Variants in LRRK2 observed in about 807,000 individuals in gnomAD.
The protein encoded by LRRK2 is leucine-rich repeat serine/threonine-protein kinase 2.
LRRK2 carries 203 observed loss-of-function variants against 302.6 expected under a neutral mutation model. The observed-to-expected ratio is 0.67, with a 90% CI of 0.60 to 0.75. The LOEUF (loss-of-function observed/expected upper bound fraction) is 0.75. Among genes scored for constraint, LRRK2 ranks in the 30% least tolerant of loss-of-function variants. The pLI is 0.00. For synonymous variants in LRRK2, 1,066 were observed against 1,031.9 expected (o/e 1.03, Z -0.63); for missense variants, 2,830 against 2,951.0 (o/e 0.96, Z 0.95).
chr12:40,317,309 C>G (rs1001040589), intron 33 of LRRK2, among the ~76,000 whole-genome samples: 2 of 151,888 alleles, frequency 1.3e-5, no homozygotes, highest in Non-Finnish European at 2.9e-5. Context: ...TTATTTATGC[C>G]AATAAATTGA....
Position 40,305,908 on chromosome 12 carries a change from G to A in LRRK2, c.3901G>A (p.Glu1301Lys), listed in dbSNP as rs1944805160. 6.2e-7 allele frequency: 1 copy of A among 1,613,096 alleles called. No individual in the cohort carries two copies. Among genetic ancestry groups the A allele is most frequent in the South Asian group, 1.1e-5 (1 of 90,992 alleles). Residue 1301 changes from glutamate (E) to lysine (K), a missense_variant, in exon 28 of 51, where the codon GAA becomes AAA. Coordinates refer to ENST00000298910, the MANE Select transcript of LRRK2 (RefSeq NM_198578.4). ...CAAAATATGGGATCTTCCTTTGGAT[G>A]AACTGCATCTTAACTTTGATTTTAA... is the stretch of plus-strand genomic sequence containing the variant. The part of the protein sequence containing the change: ...LSKIWDLPLD[E>K]LHLNFDFKHI...
chr12:40,252,607 T>C, intron 10 of LRRK2, among the ~76,000 whole-genome samples: 1 of 152,334 alleles, frequency 6.6e-6, no homozygotes, highest in South Asian at 2.1e-4. Flanking sequence ...TTTTCCTCTC[T>C]TGTTTCCATT....
chr12:40,364,358 C>G (rs1565784008), intron 48 of LRRK2, among the ~76,000 whole-genome samples: 1 of 151,834 alleles, frequency 6.6e-6, no homozygotes, highest in Non-Finnish European at 1.5e-5. Flanking sequence ...GATTAGGATT[C>G]TTTTATTTCT....
chr12:40,298,108 G>T (rs1592246312), intron 23 of LRRK2, 135 bp from the exon 24 acceptor site: 1 of 845,716 alleles, frequency 1.2e-6, no homozygotes, highest in East Asian at 2.6e-5. Flanking sequence ...CTGAAATTCT[G>T]TTGTGGATTG....
chr12:40,305,728 G>T, intron 27 of LRRK2, 57 bp from the exon 28 acceptor site: 1 of 1,481,670 alleles, frequency 6.7e-7, no homozygotes, highest in Non-Finnish European at 9.4e-7. Context: ...ACGTTTTTTG[G>T]CAGAGCACAT....
chr12:40,329,780 A>T (rs1945660799), intron 39 of LRRK2, among the ~76,000 whole-genome samples: 1 of 152,130 alleles, frequency 6.6e-6, no homozygotes, highest in Non-Finnish European at 1.5e-5. Flanking sequence ...CATTAGGTTG[A>T]CCAGGCTGGT....
chr12:40,315,175 A>C, intron 32 of LRRK2, 37 bp from the exon 33 acceptor site: 1 of 1,520,094 alleles, frequency 6.6e-7, no homozygotes, highest in Non-Finnish European at 9.1e-7. Context: ...TTTGTTCTAG[A>C]TTCCATGTTT....
intron 23 of LRRK2, among the ~76,000 whole-genome samples, chr12:40,296,586 C>T (rs569931972): frequency 5.3e-5 from 8 of 151,690 alleles, no homozygotes; most frequent in East Asian, 1.9e-4. Flanking sequence ...GAGCCAAGAT[C>T]GCACCACTGT....
chr12:40,360,202 T>A (rs1166767745), intron 47 of LRRK2, among the ~76,000 whole-genome samples: 2 of 152,100 alleles, frequency 1.3e-5, no homozygotes, highest in Non-Finnish European at 2.9e-5. Flanking sequence ...CAAAGAGATA[T>A]TTGGAGGAGT....
chr12:40,270,197 T>A (rs1943176451), intron 14 of LRRK2, among the ~76,000 whole-genome samples: 1 of 152,160 alleles, frequency 6.6e-6, no homozygotes, highest in African/African-American at 2.4e-5. Context: ...TTTTGACCCC[T>A]GGCTATAGAA....
At chr12:40,284,250 CAAAG>C (rs1943825977) in intron 19 of LRRK2, 117 bp downstream of exon 19, 1 of 826,018 alleles carries the variant, frequency 1.2e-6, no homozygotes, top group Non-Finnish European at 1.7e-6. Flanking sequence ...AAAGATATTG[CAAAG>C]GTTTGGATTT....
At chr12:40,279,225 T>TTTTTTTTTTTTGAG (rs1943587148) in intron 18 of LRRK2, among the ~76,000 whole-genome samples, 1 of 148,062 alleles carries the variant, frequency 6.8e-6, no homozygotes, top group Non-Finnish European at 1.5e-5. Context: ...GTTTACTTTT[T>TTTTTTTTTTTTGAG]AAACCTTACT....
In LRRK2 at chr12:40,276,383, C is replaced by T. The variant is rs544591461; in HGVS notation, c.1941+1390C>T. On this transcript the variant is annotated intron_variant, in intron 16 of 50. Transcript: ENST00000298910. ...CAGTCTCAGCTCACATCACCCTCCGCCTCCTGGGTTCAAGCAATTCTCCTG... is the reference window on the plus strand; with the variant it reads ...CAGTCTCAGCTCACATCACCCTCCGTCTCCTGGGTTCAAGCAATTCTCCTG... 5.1e-4 allele frequency among the ~76,000 whole-genome samples: 77 copies of T among 152,240 alleles called. 1 individual carries two copies. The highest frequency in any genetic ancestry group is 1.2e-3 in the South Asian group (6 of 4,828).
rs778345160 is a variant in LRRK2 at position 40,287,336 on chromosome 12, A to G, written c.2501-15A>G. 2 of 1,581,392 alleles carry G rather than the reference A, an allele frequency of 1.3e-6. No homozygotes were observed. The highest frequency in any genetic ancestry group is 2.2e-5 in the South Asian group (2 of 89,202). ...TTGTTGATTTCTAAGTTGCTGGTGT[A>G]TCTCTTATTTTCAGATATAGCATCT... On this transcript the variant is annotated splice_polypyrimidine_tract_variant and intron_variant, in intron 19 of 50. Transcript: ENST00000298910.
At chr12:40,275,116 TGTAG>T in intron 16 of LRRK2, 123 bp downstream of exon 16, 1 of 1,090,462 alleles carries the variant, frequency 9.2e-7, no homozygotes. Context: ...TTTATCCTTT[TGTAG>T]TATTTTAATT....
intron 3 of LRRK2, 120 bp from the exon 4 acceptor site, chr12:40,235,506 C>T (rs1941409256): frequency 2.8e-6 from 2 of 703,866 alleles, no homozygotes; most frequent in East Asian, 5.4e-5. Flanking sequence ...ACATGAGCTT[C>T]ACTACAGGGA....
At chr12:40,227,832 A>T (rs968195464) in intron 2 of LRRK2, 1 of 152,220 alleles carries the variant, frequency 6.6e-6, no homozygotes, top group African/African-American at 2.4e-5. Context: ...GGTAGCTAGG[A>T]CTATAAGCAT....
intron 11 of LRRK2, among the ~76,000 whole-genome samples, 161 bp from the exon 12 acceptor site, chr12:40,257,087 A>G (rs1289690937): frequency 1.3e-5 from 2 of 152,364 alleles, no homozygotes; most frequent in East Asian, 3.9e-4. Flanking sequence ...GTTTTAAAGA[A>G]ATAAACATGA....
At chr12:40,229,663 A>T (rs1941074591) in intron 2 of LRRK2, among the ~76,000 whole-genome samples, 1 of 152,250 alleles carries the variant, frequency 6.6e-6, no homozygotes, top group South Asian at 2.1e-4. Context: ...TAGAATAATT[A>T]TAATAAAGTA....
Sources: allele counts gnomAD v4.1 joint callset (sites outside exome capture counted in the v4.1 genomes callset), GRCh38; gene constraint gnomAD v4.1.1; transcripts MANE v1.5; gene names NCBI Gene and HGNC (gene_info 2026-07-23, HGNC 2026-07-21).